CD99: variants seen among roughly 807,000 people sequenced by gnomAD.
CD99 encodes the protein CD99 molecule (Xg blood group).
In CD99, 19 loss-of-function variants were observed where a neutral mutation model predicts 28.4. The ratio of observed to expected loss-of-function variants is 0.67; its 90% CI spans 0.47 to 0.98. CD99 has a LOEUF of 0.98. CD99 is among the 50% of genes least tolerant of loss of function. The probability of loss-of-function intolerance (pLI) is 0.00; values close to 1 mark genes in which losing one functional copy is unlikely to be tolerated. For missense variants in CD99, 283 were observed against 248.8 expected, an observed-to-expected ratio of 1.14 and a Z score of -0.92; for synonymous variants, 103 against 92.1, an observed-to-expected ratio of 1.12 and a Z score of -0.67.
chrX:2,734,111 G>A (rs893564123), intron 8 of CD99, among the ~76,000 whole-genome samples: 1 of 152,010 alleles, frequency 6.6e-6, no homozygotes, highest in South Asian at 2.1e-4. Context: ...AACACAAATT[G>A]TACCTGGATT....
At chrX:2,717,563 C>A in intron 2 of CD99, 42 bp from the exon 3 acceptor site, 1 of 1,501,344 alleles carries the variant, frequency 6.7e-7, no homozygotes, top group Non-Finnish European at 9.3e-7. Flanking sequence ...ACTTGTTTTC[C>A]CAGCTGCAAC....
At chrX:2,719,590 C>T (rs149877949) in intron 3 of CD99, 71 bp from the exon 4 acceptor site, 38 of 1,254,910 alleles carry the variant, frequency 3.0e-5, no homozygotes, top group East Asian at 4.6e-5. Flanking sequence ...TGTTTTTGAT[C>T]TGTTCACGAG....
intron 1 of CD99, among the ~76,000 whole-genome samples, chrX:2,693,716 G>A (rs2047440907): frequency 1.3e-5 from 2 of 152,078 alleles, no homozygotes; most frequent in Non-Finnish European, 2.9e-5. Flanking sequence ...AAATTCTCAG[G>A]GGTACAGGTG....
At chrX:2,734,584 G>C (rs959571894) in intron 8 of CD99, among the ~76,000 whole-genome samples, 8 of 151,166 alleles carry the variant, frequency 5.3e-5, no homozygotes, top group South Asian at 2.1e-4. Flanking sequence ...TGGGATTACA[G>C]GTGTGAGCCA....
Position 2,716,150 on chromosome X carries a change from C to G in CD99, c.101-1455C>G, listed in dbSNP as rs2048701507. On this transcript the variant is annotated intron_variant, in intron 2 of 9. Transcript: ENST00000381192. The stretch of plus-strand genomic sequence containing the variant: ...TCTCCTGCCTCTGCCTCCCGAGTAA[C>G]TGGGATTACAGGCATGCACCACCAT... Among the ~76,000 whole-genome samples, 3 of 151,906 alleles carry G rather than the reference C, an allele frequency of 2.0e-5. No individual in the cohort carries two copies. In the South Asian group the frequency reaches 6.2e-4, roughly 32 times the overall value.
chrX:2,737,863 CTT>C (rs762329138), intron 8 of CD99: 982 of 408,670 alleles, frequency 2.4e-3, no homozygotes, highest in Middle Eastern at 3.0e-3. Context: ...GATGCACGTA[CTT>C]TTTTTTTTTT....
At chrX:2,737,863 C>CT (rs762329138) in intron 8 of CD99, 27,068 of 396,776 alleles carry the variant, frequency 0.068, no homozygotes, top group South Asian at 0.11. Context: ...GATGCACGTA[C>CT]TTTTTTTTTT....
intron 1 of CD99, among the ~76,000 whole-genome samples, chrX:2,696,668 G>T (rs776637571): frequency 6.6e-6 from 1 of 152,258 alleles, no homozygotes; most frequent in Admixed American, 6.5e-5. Context: ...CTCCTAAAGT[G>T]TATTCTTTTT....
At chrX:2,722,841 G>A (rs1362932031) in intron 6 of CD99, 167 bp downstream of exon 6, 2 of 229,342 alleles carry the variant, frequency 8.7e-6, no homozygotes, top group Non-Finnish European at 1.4e-5. Flanking sequence ...TCAAGGATGT[G>A]GGAAGTAAAG....
chrX:2,740,923 T>G lies in CD99; in HGVS notation c.*119T>G. The G allele has an allele frequency of 9.1e-7, 1 of 1,103,194 alleles. No homozygotes were observed. Among genetic ancestry groups the G allele is most frequent in the Non-Finnish European group, 1.4e-6 (1 of 718,784 alleles). 68.3% of individuals were successfully genotyped at this position (1,103,194 alleles called of 1,614,324 possible). A position where few individuals can be genotyped will look rare whatever the true frequency, so the allele number is the denominator to read the frequency against. On this transcript the variant is annotated 3_prime_UTR_variant, in exon 10 of 10. Coordinates refer to ENST00000381192, the MANE Select transcript of CD99 (RefSeq NM_002414.5). Reference sequence around the variant, plus strand: ...ATGGAGGCCTTCTGTTCACGGCGGATTCTTTGTTTTAATCTTGCGATGTGC... The same window carrying G: ...ATGGAGGCCTTCTGTTCACGGCGGAGTCTTTGTTTTAATCTTGCGATGTGC...
rs1327543260 is a variant in CD99 at position 2,723,326 on chromosome X, G to C, written c.323G>C (p.Ser108Thr). The stretch of plus-strand genomic sequence containing the variant: ...TTTTGTCTTGCAGGAAAAGGAGGCA[G>C]TGATGGTGGAGGCAGCCACAGGAAA... ...GVSGGEGKGG[S>T]DGGGSHRKEG... The change falls in exon 7 of 10, where the codon AGT (serine) becomes ACT (threonine). Residue 108 changes from serine (S) to threonine (T), a missense_variant. Physicochemically the swap from Ser to Thr is moderately conservative, Grantham distance 58. Coordinates refer to ENST00000381192, the MANE Select transcript of CD99 (RefSeq NM_002414.5). The C allele has an allele frequency of 6.2e-7, 1 of 1,613,984 alleles. No homozygotes were observed. The highest frequency in any genetic ancestry group is 8.5e-7 in the Non-Finnish European group (1 of 1,179,866).
rs202021795 is a variant in CD99, at chrX:2,738,232, C to T, written c.508C>T (p.Arg170Trp). ...AGGGGAGGTGGACATGGAGAGCCAC[C>T]GGAATGCCAACGCAGAGCCAGCTGG... ...EQGEVDMESHRNANAEPAVQR... is the reference protein window; with the variant it reads ...EQGEVDMESHWNANAEPAVQR... The change falls in exon 9 of 10, where the codon CGG (arginine) becomes TGG (tryptophan). Residue 170 changes from arginine to tryptophan, a missense_variant. Physicochemically the swap from Arg to Trp is moderately radical, Grantham distance 101. Transcript: ENST00000381192. 9 of 1,613,744 alleles carry T rather than the reference C, an allele frequency of 5.6e-6. No individual in the cohort carries two copies. The highest frequency in any genetic ancestry group is 1.3e-5 in the African/African-American group (1 of 74,886).
intron 1 of CD99, among the ~76,000 whole-genome samples, chrX:2,702,069 G>C (rs2047889610): frequency 6.6e-6 from 1 of 152,208 alleles, no homozygotes; most frequent in South Asian, 2.1e-4. Flanking sequence ...TGCTGGAGTT[G>C]AGAACTGGGG....
rs751730874 is a variant in CD99, at chrX:2,693,072, G to A, written c.67+1645G>A. Among the ~76,000 whole-genome samples, 3 of 152,260 alleles carry A rather than the reference G, an allele frequency of 2.0e-5. No homozygotes were observed. The South Asian group carries it at 6.2e-4, about 32-fold the overall frequency. ...TCTGGCGTTCCAGGTCATTGGAGCA[G>A]AGTGAGTGGAAAGCCTTATATTCTC... On this transcript the variant is annotated intron_variant, in intron 1 of 9. Transcript: ENST00000381192.
chrX:2,740,578 C>CT (rs2050150222), intron 9 of CD99, among the ~76,000 whole-genome samples: 1 of 147,242 alleles, frequency 6.8e-6, no homozygotes, highest in African/African-American at 2.5e-5. Flanking sequence ...CTGCAGCATC[C>CT]ATTTTTTTTA....
intron 8 of CD99, among the ~76,000 whole-genome samples, chrX:2,737,300 C>T (rs1280135710): frequency 6.6e-6 from 1 of 150,886 alleles, no homozygotes; most frequent in African/African-American, 2.4e-5. Flanking sequence ...GTCTCAGCCT[C>T]CCAAGTAGCG....
chrX:2,706,066 A>AAG (rs967678503), intron 1 of CD99, among the ~76,000 whole-genome samples: 2 of 150,870 alleles, frequency 1.3e-5, no homozygotes, highest in African/African-American at 4.9e-5. Flanking sequence ...TTAAAAAGAA[A>AAG]AAAAAAAAAA....
chrX:2,691,561 G>C (rs2047294617), intron 1 of CD99, 134 bp downstream of exon 1: 1 of 993,376 alleles, frequency 1.0e-6, no homozygotes, highest in Non-Finnish European at 1.5e-6. Context: ...AGGACGCGCT[G>C]TGCCCACGGG....
At chrX:2,711,587 A>G (rs2048412911) in intron 1 of CD99, among the ~76,000 whole-genome samples, 1 of 152,146 alleles carries the variant, frequency 6.6e-6, no homozygotes, top group South Asian at 2.1e-4. Flanking sequence ...ATGCAGAAAG[A>G]AAATGTGCTA....
Sources: gnomAD v4.1 joint callset for allele counts (sites outside exome capture counted in the v4.1 genomes callset) on GRCh38, gnomAD v4.1.1 for gene constraint, MANE v1.5 for transcripts, NCBI Gene and HGNC (gene_info 2026-07-23, HGNC 2026-07-21) for gene names.